Variants in UBXN4 observed in about 807,000 individuals in gnomAD.
UBXN4 encodes UBX domain protein 4, also known as UBX domain-containing protein 4.
A neutral mutation model predicts 66.2 loss-of-function variants in UBXN4; 35 were observed. The ratio of observed to expected loss-of-function variants is 0.53; its 90% confidence interval spans 0.40 to 0.70. UBXN4 has a LOEUF of 0.70. Ranked by LOEUF, UBXN4 falls within the 30% of genes least tolerant of loss-of-function variation. UBXN4 has a pLI of 0.00. For missense variants in UBXN4, 533 were observed against 599.8 expected (o/e 0.89, Z 1.16); for synonymous variants, 203 against 204.5 (o/e 0.99, Z 0.06).
chr2:135,747,744 C>A (rs1297795519), intron 1 of UBXN4: 1 of 454,244 alleles, frequency 2.2e-6, no homozygotes, highest in South Asian at 1.6e-5. Context: ...AAGCAATTCT[C>A]CTGCCTCAGC....
chr2:135,742,885 C>T (rs955012166), intron 1 of UBXN4: 1 of 152,044 alleles, frequency 6.6e-6, no homozygotes, highest in African/African-American at 2.4e-5. Flanking sequence ...TCTTCTTAGG[C>T]TAAAATCTAC....
chr2:135,743,637 GTAAATTGGTGATT>G (rs1307074142), intron 1 of UBXN4, among the ~76,000 whole-genome samples: 4 of 152,108 alleles, frequency 2.6e-5, no homozygotes, highest in Non-Finnish European at 5.9e-5. Context: ...TGAACAATTT[GTAAATTGGTGATT>G]TAAATTGGTA....
At chr2:135,748,724 CAAAA>C (rs34276326) in intron 2 of UBXN4, among the ~76,000 whole-genome samples, 18 of 131,788 alleles carry the variant, frequency 1.4e-4, no homozygotes, top group Admixed American at 2.3e-4. Context: ...AACTCTGTCT[CAAAA>C]AAAAAAAAAA....
chr2:135,748,673 T>C (rs1309664515), intron 2 of UBXN4, among the ~76,000 whole-genome samples: 1 of 150,770 alleles, frequency 6.6e-6, no homozygotes, highest in African/African-American at 2.4e-5. Flanking sequence ...TACAGTGAGC[T>C]GTGATCATGC....
chr2:135,784,641 T>C lies in UBXN4; in HGVS notation c.*1754T>C, dbSNP rs2077472253. ...AGCAAGCATCTCATTTAAATAAAGG[T>C]TTGTCATCTTTAAAAATACAGCAAT... On this transcript the variant is annotated 3_prime_UTR_variant, in exon 13 of 13. Transcript: ENST00000272638. 6.6e-6 allele frequency: 1 copy of C among 152,546 alleles called. No individual in the cohort carries two copies. Among genetic ancestry groups the C allele is most frequent in the Non-Finnish European group, 1.5e-5 (1 of 68,022 alleles). 9.4% of individuals were successfully genotyped at this position (152,546 alleles called of 1,614,324 possible). A position where few individuals can be genotyped will look rare whatever the true frequency, so the allele number is the denominator to read the frequency against.
intron 1 of UBXN4, among the ~76,000 whole-genome samples, chr2:135,743,209 GAATTTAT>G (rs2077188321): frequency 6.6e-6 from 1 of 152,144 alleles, no homozygotes; most frequent in African/African-American, 2.4e-5. Flanking sequence ...ATTAAATTTG[GAATTTAT>G]AATTGTTTTG....
At chr2:135,770,204 C>G (rs995764692) in intron 7 of UBXN4, among the ~76,000 whole-genome samples, 1 of 152,136 alleles carries the variant, frequency 6.6e-6, no homozygotes, top group East Asian at 1.9e-4. Flanking sequence ...GTTCATTTTT[C>G]TCACCATGTA....
chr2:135,749,443 C>G (rs1251919899), intron 2 of UBXN4, among the ~76,000 whole-genome samples: 2 of 152,190 alleles, frequency 1.3e-5, no homozygotes, highest in Non-Finnish European at 1.5e-5. Flanking sequence ...AAGTTTCAAA[C>G]ATATATGAAA....
Position 135,741,881 on chromosome 2 carries a change from G to C in UBXN4, c.-49G>C, listed in dbSNP as rs2077175343. 2 of 1,577,254 alleles carry C rather than the reference G, an allele frequency of 1.3e-6. No individual in the cohort carries two copies. The highest frequency in any genetic ancestry group is 1.7e-6 in the Non-Finnish European group (2 of 1,161,166). ...AAGACGGAGGGCGGAGCCGGCTTCG[G>C]GACTGCGGAGACTACACACCGAGCG... On this transcript the variant is annotated 5_prime_UTR_variant, in exon 1 of 13. Transcript: ENST00000272638.
At chr2:135,779,145 T>G in intron 11 of UBXN4, 66 bp downstream of exon 11, 1 of 1,463,568 alleles carries the variant, frequency 6.8e-7, no homozygotes, top group Non-Finnish European at 9.1e-7. Context: ...TCTTCATTTC[T>G]TATAATTAGG....
chr2:135,760,012 C>T (rs1002058555), intron 5 of UBXN4, among the ~76,000 whole-genome samples: 2 of 152,068 alleles, frequency 1.3e-5, no homozygotes, highest in African/African-American at 4.8e-5. Context: ...AAATGATCCA[C>T]CTGCCTCGGC....
chr2:135,778,914 G>T (rs2077433834), intron 10 of UBXN4, 34 bp from the exon 11 acceptor site: 1 of 1,564,252 alleles, frequency 6.4e-7, no homozygotes, highest in Non-Finnish European at 8.6e-7. Context: ...TACTTTTAAA[G>T]GCACTCTTTA....
In UBXN4 at chr2:135,741,857, A is replaced by G; in HGVS notation, c.-73A>G. On this transcript the variant is annotated 5_prime_UTR_variant, in exon 1 of 13. Coordinates refer to ENST00000272638, the MANE Select transcript of UBXN4 (RefSeq NM_014607.4). ...TTGCGGGGGCCGCAGAGCCGGACGAAGACGGAGGGCGGAGCCGGCTTCGGG... is the reference window on the plus strand; with the variant it reads ...TTGCGGGGGCCGCAGAGCCGGACGAGGACGGAGGGCGGAGCCGGCTTCGGG... 6.6e-7 allele frequency: 1 copy of G among 1,521,710 alleles called. No homozygotes were observed. The highest frequency in any genetic ancestry group is 8.9e-7 in the Non-Finnish European group (1 of 1,125,028). The allele number at this position is 1,521,710 out of a possible 1,614,324, so 94.3% of individuals were successfully genotyped here.
At chr2:135,772,349 T>G in intron 8 of UBXN4, 71 bp from the exon 9 acceptor site, 1 of 1,548,312 alleles carries the variant, frequency 6.5e-7, no homozygotes, top group Non-Finnish European at 8.8e-7. Flanking sequence ...ATTCCATGCA[T>G]ATTTGTTTGG....
At chr2:135,756,584 T>G (rs1362661936) in intron 5 of UBXN4, among the ~76,000 whole-genome samples, 1 of 152,202 alleles carries the variant, frequency 6.6e-6, no homozygotes, top group Non-Finnish European at 1.5e-5. Context: ...CTTCTGGATG[T>G]GTACGGAACG....
chr2:135,749,984 A>G (rs2077232167), intron 2 of UBXN4, among the ~76,000 whole-genome samples: 1 of 152,064 alleles, frequency 6.6e-6, no homozygotes, highest in Non-Finnish European at 1.5e-5. Flanking sequence ...TGTTTTCTGT[A>G]TTGATAGGTA....
intron 10 of UBXN4, among the ~76,000 whole-genome samples, chr2:135,778,461 A>G (rs1304106277): frequency 2.0e-5 from 3 of 152,158 alleles, no homozygotes; most frequent in Admixed American, 6.5e-5. Context: ...TATTGTGTGT[A>G]TCATGTAGGT....
chr2:135,759,288 AAAT>A (rs2077297546), intron 5 of UBXN4, among the ~76,000 whole-genome samples: 1 of 152,198 alleles, frequency 6.6e-6, no homozygotes, highest in Non-Finnish European at 1.5e-5. Context: ...AAATTTTTAA[AAAT>A]AACAACAATA....
chr2:135,772,577 T>C, intron 9 of UBXN4, 30 bp downstream of exon 9: 1 of 1,611,304 alleles, frequency 6.2e-7, no homozygotes, highest in East Asian at 2.2e-5. Context: ...AACATCTCTG[T>C]GCACATAGGG....
Sources: allele counts gnomAD v4.1 joint callset (sites outside exome capture counted in the v4.1 genomes callset), GRCh38; gene constraint gnomAD v4.1.1; transcripts MANE v1.5; gene names NCBI Gene and HGNC (gene_info 2026-07-23, HGNC 2026-07-21).